EXT1: variants seen among roughly 807,000 people sequenced by gnomAD.
EXT1 encodes exostosin-1.
In EXT1, 20 loss-of-function variants were observed where a neutral mutation model predicts 82.5. The observed-to-expected ratio is 0.24, with a 90% CI of 0.17 to 0.35. The LOEUF (loss-of-function observed/expected upper bound fraction) is 0.35. Ranked by LOEUF, EXT1 falls within the 10% of genes least tolerant of loss-of-function variation. The pLI, the probability that EXT1 is intolerant of heterozygous loss-of-function variation, is 1.00. For synonymous variants in EXT1, 348 were observed against 350.8 expected, an observed-to-expected ratio of 0.99 and a Z score of 0.09; for missense variants, 757 against 936.5, an observed-to-expected ratio of 0.81 and a Z score of 2.50.
At chr8:117,936,877 AAAAT>A (rs1218337839) in intron 1 of EXT1, among the ~76,000 whole-genome samples, 4 of 152,214 alleles carry the variant, frequency 2.6e-5, no homozygotes, top group South Asian at 2.1e-4. Context: ...TCCATCTCAA[AAAAT>A]AAATAAATAA....
At chr8:118,032,263 A>G (rs78573276) in intron 1 of EXT1, among the ~76,000 whole-genome samples, 3,617 of 151,698 alleles carry the variant, frequency 0.024, 132 homozygotes, top group African/African-American at 0.079. Flanking sequence ...ACTCCCGGGA[A>G]CTTGTTAGAA....
rs1035998294 is a variant in EXT1, at chr8:118,030,317, G to C, written c.962+79768C>G. Among the ~76,000 whole-genome samples, 3 of 151,532 alleles carry C rather than the reference G, an allele frequency of 2.0e-5. No individual in the cohort carries two copies. In the South Asian group the frequency reaches 6.2e-4, roughly 31 times the overall value. Reference sequence around the variant, plus strand: ...CAAGAGGCTGAGAGAAGAGCAATGGGAAAAGAAACACTGAAGTGACAAATA... The same window carrying C: ...CAAGAGGCTGAGAGAAGAGCAATGGCAAAAGAAACACTGAAGTGACAAATA... On this transcript the variant is annotated intron_variant, in intron 1 of 10. Transcript: ENST00000378204.
intron 1 of EXT1, among the ~76,000 whole-genome samples, chr8:118,053,777 C>T (rs1586366086): frequency 6.6e-6 from 1 of 152,156 alleles, no homozygotes; most frequent in South Asian, 2.1e-4. Context: ...TTATAAGTGG[C>T]CTTGCTGTCA....
chr8:118,076,706 T>G (rs542902519), intron 1 of EXT1, among the ~76,000 whole-genome samples: 11 of 152,348 alleles, frequency 7.2e-5, no homozygotes, highest in South Asian at 4.1e-4. Context: ...GAGTGAATAT[T>G]TGATGAAATT....
intron 1 of EXT1, among the ~76,000 whole-genome samples, chr8:118,078,861 T>C (rs1817259095): frequency 6.6e-6 from 1 of 152,138 alleles, no homozygotes; most frequent in African/African-American, 2.4e-5. Flanking sequence ...AGATCAGACT[T>C]TTGAGAACAC....
chr8:117,914,492 A>AT, intron 1 of EXT1, among the ~76,000 whole-genome samples: 1 of 152,328 alleles, frequency 6.6e-6, no homozygotes, highest in East Asian at 1.9e-4. Context: ...AAAAAGAGCC[A>AT]TATTTTTCTC....
Position 117,874,667 on chromosome 8 carries a change from C to T in EXT1, c.963-37466G>A, listed in dbSNP as rs1054448751. ...TCATATAATCCCCTCAATTGATCTA[C>T]TCTGCTACTCATGTGCCCACAAAAA... On this transcript the variant is annotated intron_variant, in intron 1 of 10. Transcript: ENST00000378204. Among the ~76,000 whole-genome samples, 21 of 151,570 alleles carry T rather than the reference C, an allele frequency of 1.4e-4. 1 individual carries two copies. The highest frequency in any genetic ancestry group is 3.4e-3 in the Middle Eastern group (1 of 294).
chr8:117,832,399 C>T (rs1390186292), intron 3 of EXT1, among the ~76,000 whole-genome samples: 1 of 151,934 alleles, frequency 6.6e-6, no homozygotes, highest in Non-Finnish European at 1.5e-5. Context: ...TGGTGTGCAC[C>T]TATAGGCCCA....
At chr8:117,857,218 C>T (rs572343557) in intron 1 of EXT1, among the ~76,000 whole-genome samples, 104 of 152,286 alleles carry the variant, frequency 6.8e-4, no homozygotes, top group Admixed American at 1.5e-3. Context: ...ATGTTGTTTT[C>T]ATGCATGCTA....
chr8:118,070,006 T>A (rs549161129), intron 1 of EXT1, among the ~76,000 whole-genome samples: 2 of 152,210 alleles, frequency 1.3e-5, no homozygotes, highest in East Asian at 3.8e-4. Flanking sequence ...AAAAGGTGAT[T>A]ATTTTTATAT....
chr8:118,092,646 CGGGACTAGG>C (rs1162571810), intron 1 of EXT1, among the ~76,000 whole-genome samples: 1 of 152,102 alleles, frequency 6.6e-6, no homozygotes, highest in Non-Finnish European at 1.5e-5. Flanking sequence ...AAGAGAATAC[CGGGACTAGG>C]GGGACTTTCG....
intron 8 of EXT1, among the ~76,000 whole-genome samples, chr8:117,809,474 T>A (rs1490191931): frequency 6.6e-6 from 1 of 151,344 alleles, no homozygotes; most frequent in African/African-American, 2.4e-5. Context: ...CTGTCTCTAC[T>A]AAAAATATAG....
chr8:118,000,987 C>T (rs529834926), intron 1 of EXT1, among the ~76,000 whole-genome samples: 10 of 152,310 alleles, frequency 6.6e-5, no homozygotes, highest in East Asian at 5.8e-4. Context: ...TTGTCCTATA[C>T]GCTTTCTTCA....
At chr8:117,842,221 G>A (rs545127383) in intron 1 of EXT1, among the ~76,000 whole-genome samples, 1 of 152,186 alleles carries the variant, frequency 6.6e-6, no homozygotes, top group African/African-American at 2.4e-5. Context: ...TATAAACTGA[G>A]TAATCTTGAG....
chr8:118,064,678 C>T (rs985483733), intron 1 of EXT1, among the ~76,000 whole-genome samples: 1 of 152,038 alleles, frequency 6.6e-6, no homozygotes, highest in South Asian at 2.1e-4. Context: ...ATTTATAATC[C>T]TTTGGGATTA....
intron 1 of EXT1, among the ~76,000 whole-genome samples, chr8:117,921,246 T>C (rs146535097): frequency 2.6e-4 from 40 of 152,250 alleles, no homozygotes; most frequent in South Asian, 2.5e-3. Context: ...ACTTCCATCA[T>C]AAATGCTAAC....
At chr8:117,834,122 A>G (rs1315207847) in intron 3 of EXT1, among the ~76,000 whole-genome samples, 1 of 152,216 alleles carries the variant, frequency 6.6e-6, no homozygotes, top group African/African-American at 2.4e-5. Context: ...TTCTGAGATA[A>G]TAGGGACTAT....
At chr8:117,837,541 A>G (rs1203801539) in intron 1 of EXT1, among the ~76,000 whole-genome samples, 2 of 152,208 alleles carry the variant, frequency 1.3e-5, no homozygotes, top group African/African-American at 4.8e-5. Flanking sequence ...AGTCTTAAAA[A>G]GAAGAAGAGA....
At position 118,110,703 on chromosome 8, in the gene EXT1, T is replaced by G. The variant is rs146127753; in HGVS notation, c.344A>C (p.Lys115Thr). Residue 115 changes from lysine (K) to threonine (T), a missense_variant, in exon 1 of 11, where the codon AAA (lysine) becomes ACA (threonine). Lys to Thr is a moderately conservative substitution (Grantham distance 78). Coordinates refer to ENST00000378204, the MANE Select transcript of EXT1 (RefSeq NM_000127.3). The part of the protein sequence containing the change: ...DFTLCKKNGF[K>T]VYVYPQQKGE... ...TTTTTGCTGTGGGTATACGTAGACT[T>G]TGAAGCCGTTTTTCTTGCAAAGGGT... The G allele has an allele frequency of 1.2e-6, 2 of 1,614,228 alleles. No individual in the cohort carries two copies. The highest frequency in any genetic ancestry group is 2.2e-5 in the South Asian group (2 of 91,086).
Sources: allele counts gnomAD v4.1 joint callset (sites outside exome capture counted in the v4.1 genomes callset), GRCh38; gene constraint gnomAD v4.1.1; transcripts MANE v1.5; gene names NCBI Gene and HGNC (gene_info 2026-07-23, HGNC 2026-07-21).